The following MCC variants were observed in gnomAD, a reference collection of about 807,000 sequenced individuals.
MCC encodes the protein MCC regulator of Wnt signaling pathway, also known as colorectal mutant cancer protein.
Under a neutral mutation model 116.2 loss-of-function variants are expected in MCC, and 90 were observed. That is an observed-to-expected ratio of 0.77 (90% CI 0.65 to 0.92). The LOEUF is 0.92. MCC is among the 40% of genes least tolerant of loss of function. The pLI is 0.00. For missense variants in MCC, 1,516 were observed against 1,312.2 expected (o/e 1.16, Z -2.40); for synonymous variants, 578 against 510.5 (o/e 1.13, Z -1.78).
intron 1 of MCC, among the ~76,000 whole-genome samples, chr5:113,408,030 A>G (rs999022945): frequency 2.7e-5 from 4 of 150,158 alleles, no homozygotes; most frequent in African/African-American, 1.0e-4. Context: ...AGAAGAAGGG[A>G]ACAGAGGAAA....
chr5:113,449,019 T>A (rs539046667), intron 1 of MCC, among the ~76,000 whole-genome samples: 1 of 152,250 alleles, frequency 6.6e-6, no homozygotes, highest in Non-Finnish European at 1.5e-5. Context: ...CAATTTACTA[T>A]TAACCTTCAG....
intron 1 of MCC, among the ~76,000 whole-genome samples, chr5:113,472,552 A>T (rs1254150042): frequency 6.6e-6 from 1 of 152,232 alleles, no homozygotes; most frequent in Admixed American, 6.5e-5. Context: ...ATGAATGTTT[A>T]ACAATAATAA....
At chr5:113,154,789 A>C (rs1367538967) in intron 3 of MCC, among the ~76,000 whole-genome samples, 1 of 152,214 alleles carries the variant, frequency 6.6e-6, no homozygotes, top group African/African-American at 2.4e-5. Context: ...ATACATATTT[A>C]TGGGGTACAT....
intron 4 of MCC, 52 bp from the exon 5 acceptor site, chr5:113,143,412 G>A: frequency 1.2e-6 from 2 of 1,600,270 alleles, no homozygotes; most frequent in Middle Eastern, 1.7e-4. Context: ...GCACCTACAG[G>A]TGGATGATTC....
chr5:113,461,243 A>G (rs1771732893), intron 1 of MCC, among the ~76,000 whole-genome samples: 1 of 152,206 alleles, frequency 6.6e-6, no homozygotes, highest in Non-Finnish European at 1.5e-5. Flanking sequence ...CCTAGGCAAC[A>G]GACCAAGACC....
intron 3 of MCC, among the ~76,000 whole-genome samples, chr5:113,227,948 T>G (rs1480007019): frequency 1.3e-5 from 2 of 152,220 alleles, no homozygotes; most frequent in Non-Finnish European, 2.9e-5. Context: ...ATCCTTCTAG[T>G]TAACGGCTGG....
chr5:113,460,457 C>T (rs1396976946), intron 1 of MCC, among the ~76,000 whole-genome samples: 1 of 152,144 alleles, frequency 6.6e-6, no homozygotes, highest in East Asian at 1.9e-4. Flanking sequence ...CTTGTCTTTT[C>T]CCCCAAACAC....
chr5:113,218,520 T>C (rs919686864), intron 3 of MCC, among the ~76,000 whole-genome samples: 1 of 152,194 alleles, frequency 6.6e-6, no homozygotes, highest in East Asian at 1.9e-4. Flanking sequence ...CCTCCTTCAC[T>C]ACAAATCCCA....
At chr5:113,089,309 A>G (rs924156535) in intron 8 of MCC, among the ~76,000 whole-genome samples, 2 of 152,372 alleles carry the variant, frequency 1.3e-5, no homozygotes, top group African/African-American at 4.8e-5. Context: ...CAACAAGCAA[A>G]TAAAGAGGAA....
chr5:113,246,735 T>G (rs1012514592), intron 3 of MCC, among the ~76,000 whole-genome samples: 1 of 152,232 alleles, frequency 6.6e-6, no homozygotes, highest in African/African-American at 2.4e-5. Context: ...GAACTTTTTA[T>G]TGTCTTCCTG....
chr5:113,046,126 T>G (rs1561749270), intron 16 of MCC, among the ~76,000 whole-genome samples: 1 of 152,070 alleles, frequency 6.6e-6, no homozygotes, highest in Non-Finnish European at 1.5e-5. Context: ...AAACACAACA[T>G]ACTCTTATAA....
rs35336557 is a variant in MCC at position 113,488,351 on chromosome 5, TGCCGCCGCCGCC to T, written c.52_63del (p.Gly18_Gly21del). 8.2e-6 allele frequency: 12 copies of T among 1,455,602 alleles called. 1 individual carries two copies. Among genetic ancestry groups the T allele is most frequent in the Non-Finnish European group, 1.1e-5 (12 of 1,097,868 alleles). The allele number at this position is 1,455,602 out of a possible 1,614,324, so 90.2% of individuals were successfully genotyped here. On this transcript the variant is annotated inframe_deletion, in exon 1 of 19. Coordinates refer to ENST00000408903, the MANE Select transcript of MCC (RefSeq NM_001085377.2). Reference sequence around the variant, plus strand: ...TCGCTGCTGCTGCTGCTGCTGCCGCTGCCGCCGCCGCCGCCGCCGCTGCTGGAGCTCCCCGCA... The same window carrying T: ...TCGCTGCTGCTGCTGCTGCTGCCGCTGCCGCCGCTGCTGGAGCTCCCCGCA...
At chr5:113,135,074 T>A (rs558351310) in intron 5 of MCC, among the ~76,000 whole-genome samples, 182 of 151,332 alleles carry the variant, frequency 1.2e-3, no homozygotes, top group South Asian at 4.8e-3. Context: ...CCTGAGTAGC[T>A]GACTACAGGC....
At chr5:113,111,361 T>C (rs1757081935) in intron 6 of MCC, among the ~76,000 whole-genome samples, 2 of 152,218 alleles carry the variant, frequency 1.3e-5, no homozygotes, top group African/African-American at 4.8e-5. Context: ...TTCATTGGTG[T>C]ATCTAAACAG....
Position 113,107,406 on chromosome 5 carries a change from C to T in MCC, c.1028-3051G>A, listed in dbSNP as rs557160234. Among the ~76,000 whole-genome samples the T allele has an allele frequency of 1.1e-3, 170 of 152,006 alleles. 1 individual carries two copies. The highest frequency in any genetic ancestry group is 3.7e-3 in the African/African-American group (152 of 41,474). On this transcript the variant is annotated intron_variant, in intron 6 of 18. Coordinates refer to ENST00000408903, the MANE Select transcript of MCC (RefSeq NM_001085377.2). ...CTAATTTTTATATTTTTAGTGGAGACGGGGTTTCACCATGTTGGCCAGGCT... is the reference window on the plus strand; with the variant it reads ...CTAATTTTTATATTTTTAGTGGAGATGGGGTTTCACCATGTTGGCCAGGCT...
At chr5:113,180,737 A>G (rs2150308788) in intron 3 of MCC, among the ~76,000 whole-genome samples, 1 of 152,336 alleles carries the variant, frequency 6.6e-6, no homozygotes. Context: ...CCTCTATACA[A>G]CAGAGAATAT....
At chr5:113,421,897 A>T (rs1770347385) in intron 1 of MCC, among the ~76,000 whole-genome samples, 1 of 152,178 alleles carries the variant, frequency 6.6e-6, no homozygotes, top group East Asian at 1.9e-4. Context: ...ACCACTTCCC[A>T]GTTCCCTGGG....
chr5:113,343,640 G>A (rs1282504204), intron 2 of MCC, among the ~76,000 whole-genome samples: 1 of 152,158 alleles, frequency 6.6e-6, no homozygotes, highest in Non-Finnish European at 1.5e-5. Context: ...GTTCACCACA[G>A]TACTCTCAGC....
chr5:113,243,079 C>G (rs1208398431), intron 3 of MCC, among the ~76,000 whole-genome samples: 1 of 152,206 alleles, frequency 6.6e-6, no homozygotes, highest in South Asian at 2.1e-4. Flanking sequence ...AAATGAACAA[C>G]TATGCTTTCT....
Sources: gnomAD v4.1 joint callset for allele counts (sites outside exome capture counted in the v4.1 genomes callset) on GRCh38, gnomAD v4.1.1 for gene constraint, MANE v1.5 for transcripts, NCBI Gene and HGNC (gene_info 2026-07-23, HGNC 2026-07-21) for gene names.